The following LIN7A variants were observed in gnomAD, a reference collection of about 807,000 sequenced individuals.
The protein encoded by LIN7A is protein lin-7 homolog A.
LIN7A carries 25 observed loss-of-function variants against 29.8 expected under a neutral mutation model. The observed-to-expected ratio is 0.84, with a 90% CI of 0.61 to 1.17. The LOEUF (loss-of-function observed/expected upper bound fraction) is 1.17, where lower values mean the gene tolerates loss of function less well. Among genes scored for constraint, LIN7A ranks in the 50% most tolerant of loss-of-function variants. LIN7A has a pLI of 0.00. For synonymous variants in LIN7A, 118 were observed against 107.5 expected, an observed-to-expected ratio of 1.10 and a Z score of -0.60; for missense variants, 239 against 287.0, an observed-to-expected ratio of 0.83 and a Z score of 1.21.
chr12:80,817,011 G>A (rs1479628798), intron 4 of LIN7A, among the ~76,000 whole-genome samples: 1 of 152,116 alleles, frequency 6.6e-6, no homozygotes, highest in Non-Finnish European at 1.5e-5. Flanking sequence ...CAAGTGATGC[G>A]CCTGCTTCAG....
chr12:80,885,029 A>G (rs1162712870), intron 2 of LIN7A, among the ~76,000 whole-genome samples: 1 of 152,072 alleles, frequency 6.6e-6, no homozygotes, highest in Non-Finnish European at 1.5e-5. Flanking sequence ...TTGCCACAAG[A>G]ATTCCTTTGT....
intron 1 of LIN7A, among the ~76,000 whole-genome samples, chr12:80,907,221 GT>G (rs1409371958): frequency 6.6e-6 from 1 of 152,126 alleles, no homozygotes; most frequent in African/African-American, 2.4e-5. Flanking sequence ...TGATTTTATT[GT>G]GTGCTATCTT....
chr12:80,804,540 A>ATT (rs35579064), intron 5 of LIN7A, among the ~76,000 whole-genome samples: 2 of 145,228 alleles, frequency 1.4e-5, no homozygotes, highest in Non-Finnish European at 1.5e-5. Context: ...AAATTACTGA[A>ATT]TTTTTTTTTT....
At chr12:80,935,490 T>C (rs1488571155) in intron 1 of LIN7A, among the ~76,000 whole-genome samples, 1 of 152,124 alleles carries the variant, frequency 6.6e-6, no homozygotes, top group African/African-American at 2.4e-5. Flanking sequence ...GTATGCAGAG[T>C]GAGTATCAGA....
At chr12:80,850,929 C>G (rs760700795) in intron 2 of LIN7A, among the ~76,000 whole-genome samples, 13 of 152,062 alleles carry the variant, frequency 8.5e-5, no homozygotes, top group Non-Finnish European at 1.5e-4. Flanking sequence ...GTTAATTCTC[C>G]TAACTTCTTA....
intron 2 of LIN7A, chr12:80,861,063 A>C (rs748146801): frequency 2.0e-5 from 3 of 152,246 alleles, no homozygotes; most frequent in Non-Finnish European, 2.9e-5. Flanking sequence ...CCAGAGACTT[A>C]ATGTAACTGC....
chr12:80,864,454 G>A (rs1300776021), intron 2 of LIN7A, among the ~76,000 whole-genome samples: 1 of 151,990 alleles, frequency 6.6e-6, no homozygotes, highest in African/African-American at 2.4e-5. Flanking sequence ...TTTGAAAAAT[G>A]ATTTTTTTTA....
chr12:80,918,934 G>C (rs6539535), intron 1 of LIN7A, among the ~76,000 whole-genome samples: 2 of 151,924 alleles, frequency 1.3e-5, no homozygotes, highest in African/African-American at 4.8e-5. Flanking sequence ...AACACTTATC[G>C]TTGTGTCACA....
intron 5 of LIN7A, among the ~76,000 whole-genome samples, chr12:80,808,554 G>A (rs1871149028): frequency 6.8e-6 from 1 of 147,398 alleles, no homozygotes; most frequent in African/African-American, 2.5e-5. Context: ...CACCCAGGCT[G>A]GAGTGCAGTG....
chr12:80,834,779 T>C (rs534941883), intron 4 of LIN7A, among the ~76,000 whole-genome samples: 1 of 152,304 alleles, frequency 6.6e-6, no homozygotes, highest in South Asian at 2.1e-4. Context: ...TTTGAGAATA[T>C]AATTAAAAAC....
At chr12:80,907,055 CTGTGTG>C (rs529376132) in intron 1 of LIN7A, among the ~76,000 whole-genome samples, 128 of 145,394 alleles carry the variant, frequency 8.8e-4, no homozygotes, top group African/African-American at 2.9e-3. Flanking sequence ...AGTGCGTGCT[CTGTGTG>C]TGTGTGTGTG....
At chr12:80,934,619 A>G (rs921880077) in intron 1 of LIN7A, among the ~76,000 whole-genome samples, 1 of 152,238 alleles carries the variant, frequency 6.6e-6, no homozygotes, top group African/African-American at 2.4e-5. Flanking sequence ...TGCTTAAAAC[A>G]TTTGCCCTGA....
rs370465323 is a variant in LIN7A at position 80,854,485 on chromosome 12, C to CAAAAAAAAAAAAAAAAAAAAAAAA, written c.202-6164_202-6163insTTTTTTTTTTTTTTTTTTTTTTTT. 5.4e-5 allele frequency among the ~76,000 whole-genome samples: 2 copies of CAAAAAAAAAAAAAAAAAAAAAAAA among 37,112 alleles called. 1 individual carries two copies. Among genetic ancestry groups the CAAAAAAAAAAAAAAAAAAAAAAAA allele is most frequent in the Non-Finnish European group, 1.0e-4 (2 of 19,836 alleles). The allele number at this position is 37,112 out of a possible 152,430, so 24.3% of individuals were successfully genotyped here. A position where few individuals can be genotyped will look rare whatever the true frequency, so the allele number is the denominator to read the frequency against. ...TGAATCTGAAATGCATGTTGCTAAG[C>CAAAAAAAAAAAAAAAAAAAAAAAA]CAAAAAAAAAAAAAAAAAAAAAAGC... On this transcript the variant is annotated intron_variant, in intron 2 of 5. Transcript: ENST00000552864.
intron 2 of LIN7A, among the ~76,000 whole-genome samples, chr12:80,853,982 C>T (rs1488463806): frequency 6.6e-6 from 1 of 152,202 alleles, no homozygotes; most frequent in East Asian, 1.9e-4. Flanking sequence ...GCATGAGCCA[C>T]TGTGCCCCTG....
At chr12:80,864,464 A>G (rs971930923) in intron 2 of LIN7A, among the ~76,000 whole-genome samples, 16 of 151,798 alleles carry the variant, frequency 1.1e-4, no homozygotes, top group Non-Finnish European at 1.8e-4. Context: ...GATTTTTTTT[A>G]TTTGCCAGGA....
At position 80,845,936 on chromosome 12, in the gene LIN7A, T is replaced by C. The variant is rs1285042692; in HGVS notation, c.277A>G (p.Thr93Ala). ...EFRARATAKA[T>A]VAAFAASEGH... The stretch of plus-strand genomic sequence containing the variant: ...TCACTAGCTGCAAAAGCTGCAACTG[T>C]TGCCTGAAAAAAAAAAAAAAAGATG... The change falls in exon 4 of 6, where the codon ACA becomes GCA. Residue 93 changes from threonine to alanine, a missense_variant. Thr to Ala is a moderately conservative substitution (Grantham distance 58). Coordinates refer to ENST00000552864, the MANE Select transcript of LIN7A (RefSeq NM_004664.4). The C allele has an allele frequency of 1.3e-6, 2 of 1,569,648 alleles. No homozygotes were observed. Among genetic ancestry groups the C allele is most frequent in the Non-Finnish European group, 1.7e-6 (2 of 1,165,582 alleles).
intron 1 of LIN7A, among the ~76,000 whole-genome samples, chr12:80,895,155 T>A (rs1411053341): frequency 6.6e-6 from 1 of 152,230 alleles, no homozygotes; most frequent in African/African-American, 2.4e-5. Context: ...GTATTACCAA[T>A]GTGTTTATAG....
rs1239794340 is a variant in LIN7A, at chr12:80,794,403, G to A, written c.*3324C>T. 1.3e-5 allele frequency: 2 copies of A among 152,162 alleles called. No homozygotes were observed. The highest frequency in any genetic ancestry group is 3.8e-4 in the East Asian group (2 of 5,198). 9.4% of individuals were successfully genotyped at this position (152,162 alleles called of 1,614,324 possible). Reference sequence around the variant, plus strand: ...TTGTCTAAAGCTGGTCTTATGAACAGGCTGTGTCTGTATGATAAAAACAAA... The same window carrying A: ...TTGTCTAAAGCTGGTCTTATGAACAAGCTGTGTCTGTATGATAAAAACAAA... On this transcript the variant is annotated 3_prime_UTR_variant, in exon 6 of 6. Transcript: ENST00000552864.
intron 1 of LIN7A, among the ~76,000 whole-genome samples, chr12:80,907,055 C>CTCTGTGTGTGTGTGTGTGTG (rs1555228957): frequency 2.1e-5 from 3 of 145,298 alleles, no homozygotes; most frequent in Non-Finnish European, 4.4e-5. Flanking sequence ...AGTGCGTGCT[C>CTCTGTGTGTGTGTGTGTGTG]TGTGTGTGTG....
Sources: gnomAD v4.1 joint callset for allele counts (sites outside exome capture counted in the v4.1 genomes callset) on GRCh38, gnomAD v4.1.1 for gene constraint, MANE v1.5 for transcripts, NCBI Gene and HGNC (gene_info 2026-07-23, HGNC 2026-07-21) for gene names.